Variants in SLC5A4 observed in about 807,000 individuals in gnomAD.
The protein encoded by SLC5A4 is solute carrier family 5 member 4.
A neutral mutation model predicts 70.3 loss-of-function variants in SLC5A4; 55 were observed. The ratio of observed to expected loss-of-function variants is 0.78; its 90% confidence interval spans 0.63 to 0.98. The LOEUF (loss-of-function observed/expected upper bound fraction) is 0.98. SLC5A4 is among the 50% of genes least tolerant of loss of function. The probability of loss-of-function intolerance (pLI) is 0.00; values close to 1 mark genes in which losing one functional copy is unlikely to be tolerated. For missense variants in SLC5A4, 735 were observed against 839.2 expected (o/e 0.88, Z 1.53); for synonymous variants, 268 against 305.7 (o/e 0.88, Z 1.29).
the SLC5A4 span, among the ~76,000 whole-genome samples, chr22:32,265,178 T>C: frequency 6.6e-6 from 1 of 152,316 alleles, no homozygotes; most frequent in Non-Finnish European, 1.5e-5. Flanking sequence ...GGTGGGAAGA[T>C]TGCTTAAGAC....
chr22:32,218,959 C>T (rs959301407), intron 14 of SLC5A4, among the ~76,000 whole-genome samples: 1 of 152,186 alleles, frequency 6.6e-6, no homozygotes, highest in Admixed American at 6.5e-5. Flanking sequence ...GAAACGTTCG[C>T]ATATTCTATT....
the SLC5A4 span, among the ~76,000 whole-genome samples, chr22:32,316,934 C>CGTG: frequency 6.7e-6 from 1 of 148,622 alleles, no homozygotes. Flanking sequence ...ATTAACAACT[C>CGTG]TGTGTGTGTG....
chr22:32,290,698 A>G, the SLC5A4 span, among the ~76,000 whole-genome samples: 96,676 of 151,786 alleles, frequency 0.64, 30,865 homozygotes, highest in East Asian at 0.7. Context: ...TGGGGTGTGC[A>G]GAAGACTCGC....
At chr22:32,257,038 G>A (rs1927520739), upstream of SLC5A4, among the ~76,000 whole-genome samples, 1 of 152,210 alleles carries the variant, frequency 6.6e-6, no homozygotes, top group Non-Finnish European at 1.5e-5. Flanking sequence ...ACAGTGCATA[G>A]GAGAGTTAAT....
the SLC5A4 span, among the ~76,000 whole-genome samples, chr22:32,282,734 C>T: frequency 1.3e-5 from 2 of 152,226 alleles, no homozygotes; most frequent in Admixed American, 1.3e-4. Flanking sequence ...TCCCACCTCC[C>T]TGTCTGGGTT....
the SLC5A4 span, among the ~76,000 whole-genome samples, chr22:32,319,926 T>C: frequency 3.3e-5 from 5 of 151,938 alleles, no homozygotes; most frequent in Admixed American, 1.3e-4. Flanking sequence ...TCAATTAAGA[T>C]GAACTGAACA....
the SLC5A4 span, among the ~76,000 whole-genome samples, chr22:32,279,104 G>A: frequency 8.6e-5 from 13 of 151,958 alleles, no homozygotes; most frequent in East Asian, 7.8e-4. Context: ...GTGAAACCCC[G>A]TCTCCACTAA....
the SLC5A4 span, among the ~76,000 whole-genome samples, chr22:32,289,415 G>C: frequency 1.3e-5 from 2 of 152,150 alleles, no homozygotes; most frequent in Admixed American, 6.6e-5. Flanking sequence ...TCTCCATGCT[G>C]TTCTCGTGAG....
the SLC5A4 span, among the ~76,000 whole-genome samples, chr22:32,305,214 CTTTTT>C: frequency 6.6e-6 from 1 of 151,542 alleles, no homozygotes; most frequent in Non-Finnish European, 1.5e-5. Flanking sequence ...TTTCCTGTAT[CTTTTT>C]TTTATGGGTT....
Position 32,250,803 on chromosome 22 carries a change from C to A in SLC5A4, c.312+967G>T, listed in dbSNP as rs552959230. On this transcript the variant is annotated intron_variant, in intron 3 of 14. Transcript: ENST00000266086. ...AAAAAGGATGAGTTCATGTCCTTTG[C>A]AGGGACATGGATGAAGCTGGAAAGC... 3.9e-5 allele frequency among the ~76,000 whole-genome samples: 6 copies of A among 152,098 alleles called. No homozygotes were observed. The East Asian group carries it at 1.2e-3, about 29-fold the overall frequency.
the SLC5A4 span, chr22:32,276,948 T>C: frequency 6.6e-6 from 1 of 152,186 alleles, no homozygotes; most frequent in African/African-American, 2.4e-5. Flanking sequence ...TTTTCTTAAG[T>C]TATAATTATG....
the SLC5A4 span, chr22:32,269,955 G>T: frequency 1.9e-6 from 1 of 528,800 alleles, no homozygotes; most frequent in Non-Finnish European, 3.8e-6. The surrounding 1 kb of genome is among the most constrained non-coding windows in gnomAD (Gnocchi z 4.1). Flanking sequence ...CTGGGTACCT[G>T]TTCCTGAGTT....
upstream of SLC5A4, among the ~76,000 whole-genome samples, chr22:32,260,275 T>C (rs1411052567): frequency 1.3e-5 from 2 of 151,802 alleles, no homozygotes; most frequent in African/African-American, 2.4e-5. Flanking sequence ...TGGGGGTGCT[T>C]ACATTCAGTC....
At chr22:32,304,378 T>C in the SLC5A4 span, among the ~76,000 whole-genome samples, 1 of 152,136 alleles carries the variant, frequency 6.6e-6, no homozygotes, top group Non-Finnish European at 1.5e-5. Context: ...TGACCTCAGG[T>C]GATCCACCCG....
At chr22:32,311,351 T>G in the SLC5A4 span, among the ~76,000 whole-genome samples, 1 of 152,178 alleles carries the variant, frequency 6.6e-6, no homozygotes, top group Non-Finnish European at 1.5e-5. Context: ...GACACACATG[T>G]TTATTAAGCA....
chr22:32,292,322 ATATATGG>A, the SLC5A4 span, among the ~76,000 whole-genome samples: 1 of 142,504 alleles, frequency 7.0e-6, no homozygotes, highest in Non-Finnish European at 1.5e-5. Context: ...TTTTTCTAAT[ATATATGG>A]TATATGGAAC....
the SLC5A4 span, chr22:32,271,611 A>G: frequency 4.5e-6 from 3 of 670,854 alleles, no homozygotes; most frequent in Non-Finnish European, 2.8e-6. Context: ...GAGGACATTT[A>G]TGGCTACTCA....
chr22:32,341,087 T>C, the SLC5A4 span, among the ~76,000 whole-genome samples: 4,553 of 152,060 alleles, frequency 0.03, 220 homozygotes, highest in African/African-American at 0.1. Flanking sequence ...GGGACGTGGA[T>C]GTGCCAGTCT....
the SLC5A4 span, among the ~76,000 whole-genome samples, chr22:32,331,608 C>G: frequency 1.3e-5 from 2 of 152,128 alleles, no homozygotes; most frequent in South Asian, 2.1e-4. Flanking sequence ...GATGACAAAG[C>G]TATTTGGTGC....
Sources: gnomAD v4.1 joint callset for allele counts (sites outside exome capture counted in the v4.1 genomes callset) on GRCh38, gnomAD v4.1.1 for gene constraint, Gnocchi (gnomAD v3.1) non-coding constraint, MANE v1.5 for transcripts, NCBI Gene and HGNC (gene_info 2026-07-23, HGNC 2026-07-21) for gene names.